The following SYCP2L variants were observed in gnomAD, a reference collection of about 807,000 sequenced individuals.
SYCP2L encodes synaptonemal complex protein 2 like.
A neutral mutation model predicts 125.8 loss-of-function variants in SYCP2L; 98 were observed. The ratio of observed to expected loss-of-function variants is 0.78; its 90% CI spans 0.66 to 0.92. SYCP2L has a LOEUF of 0.92. Among genes scored for constraint, SYCP2L ranks in the 40% least tolerant of loss-of-function variants. The pLI is 0.00. For missense variants in SYCP2L, 842 were observed against 936.4 expected, an observed-to-expected ratio of 0.90 and a Z score of 1.32; for synonymous variants, 317 against 325.4, an observed-to-expected ratio of 0.97 and a Z score of 0.28.
rs115705479 is a variant in SYCP2L, at chr6:10,947,161, T to C, written c.1954+4415T>C. 7.0e-3 allele frequency among the ~76,000 whole-genome samples: 1,073 copies of C among 152,222 alleles called. 6 individuals carry two copies. Among genetic ancestry groups the C allele is most frequent in the Non-Finnish European group, 0.011 (741 of 67,942 alleles). On this transcript the variant is annotated intron_variant, in intron 23 of 29. Transcript: ENST00000283141. The stretch of plus-strand genomic sequence containing the variant: ...GGTTCTTTCTAGAGCTACTAGGTCC[T>C]TTTGTGTAGTTCCTATTCCCTGAAG...
intron 18 of SYCP2L, 54 bp from the exon 19 acceptor site, chr6:10,930,316 A>G (rs1472694558): frequency 3.2e-6 from 5 of 1,560,662 alleles, no homozygotes; most frequent in African/African-American, 1.4e-5. Context: ...TTAGTTATAC[A>G]TAAGAGGCAC....
intron 21 of SYCP2L, among the ~76,000 whole-genome samples, chr6:10,940,643 CAG>C (rs775539114): frequency 3.3e-5 from 5 of 151,974 alleles, no homozygotes; most frequent in Non-Finnish European, 7.4e-5. Flanking sequence ...CTCATAGAAA[CAG>C]AGAATGGAAC....
At chr6:10,930,270 G>A in intron 18 of SYCP2L, 100 bp from the exon 19 acceptor site, 3 of 1,244,416 alleles carry the variant, frequency 2.4e-6, no homozygotes, top group South Asian at 1.5e-5. Context: ...TCTTCTAGAA[G>A]GGTACTTCTC....
At chr6:10,906,331 A>T (rs778279638) in intron 9 of SYCP2L, among the ~76,000 whole-genome samples, 16 of 151,760 alleles carry the variant, frequency 1.1e-4, no homozygotes, top group Non-Finnish European at 1.5e-4. Context: ...AGTGTCATGG[A>T]TAAAGTCCCC....
rs964947043 is a variant in SYCP2L, at chr6:10,950,373, C to T, written c.1955-4743C>T. ...GGCTGCTTCTCTAGTTTTTTTAATT[C>T]GTAAAATGTTCTCTGTTGGTATTAC... On this transcript the variant is annotated intron_variant, in intron 23 of 29. Coordinates refer to ENST00000283141, the MANE Select transcript of SYCP2L (RefSeq NM_001040274.3). 2.1e-4 allele frequency among the ~76,000 whole-genome samples: 32 copies of T among 152,132 alleles called. No homozygotes were observed. In the East Asian group the frequency reaches 4.8e-3, roughly 23 times the overall value.
In SYCP2L at chr6:10,942,140, C is replaced by A. The variant is rs1258893160; in HGVS notation, c.1814-319C>A. ...GGAAAGGGAACATCACACACTGGGGCCTGTTGTGGGGTGGGGGGAGGGGGG... is the reference window on the plus strand; with the variant it reads ...GGAAAGGGAACATCACACACTGGGGACTGTTGTGGGGTGGGGGGAGGGGGG... On this transcript the variant is annotated intron_variant, in intron 21 of 29. Coordinates refer to ENST00000283141, the MANE Select transcript of SYCP2L (RefSeq NM_001040274.3). 5.4e-5 allele frequency among the ~76,000 whole-genome samples: 6 copies of A among 111,074 alleles called. No homozygotes were observed. The Admixed American group carries it at 7.8e-4, about 14-fold the overall frequency. The allele number at this position is 111,074 out of a possible 152,430, so 72.9% of individuals were successfully genotyped here. A position where few individuals can be genotyped will look rare whatever the true frequency, so the allele number is the denominator to read the frequency against.
chr6:10,892,208 A>G (rs559671385), intron 2 of SYCP2L, among the ~76,000 whole-genome samples: 30 of 152,354 alleles, frequency 2.0e-4, no homozygotes, highest in Admixed American at 1.7e-3. Context: ...CTCATTAGCA[A>G]GGAGGTCAGA....
At chr6:10,908,286 T>C (rs975152145) in intron 10 of SYCP2L, among the ~76,000 whole-genome samples, 22 of 152,096 alleles carry the variant, frequency 1.4e-4, no homozygotes, top group Middle Eastern at 3.4e-3. Context: ...CCTTGAATGG[T>C]AGGAAGAATT....
intron 23 of SYCP2L, 72 bp downstream of exon 23, chr6:10,942,818 C>A: frequency 1.5e-6 from 2 of 1,368,670 alleles, no homozygotes; most frequent in Admixed American, 2.3e-5. Context: ...GCAGACTGGG[C>A]TGTTACTCAG....
At chr6:10,895,201 C>G (rs1202217594) in intron 4 of SYCP2L, among the ~76,000 whole-genome samples, 1 of 152,212 alleles carries the variant, frequency 6.6e-6, no homozygotes, top group Non-Finnish European at 1.5e-5. Flanking sequence ...AGATAAAAAT[C>G]TCAAAGGAAA....
intron 23 of SYCP2L, among the ~76,000 whole-genome samples, chr6:10,945,053 G>A (rs944870124): frequency 6.6e-6 from 1 of 152,088 alleles, no homozygotes; most frequent in African/African-American, 2.4e-5. Context: ...TGATCCAAAT[G>A]TTGGTTAGAA....
intron 14 of SYCP2L, among the ~76,000 whole-genome samples, chr6:10,918,749 T>C (rs1203253724): frequency 6.6e-6 from 1 of 152,184 alleles, no homozygotes; most frequent in South Asian, 2.1e-4. Context: ...TTGGCCAGGA[T>C]GGTCTCAATC....
rs1222792312 is a variant in SYCP2L, at chr6:10,902,728, C to T, written c.518C>T (p.Thr173Ile). ...CTACTTAGCTTAGGATTCCTGGTGA[C>T]AGAAAAGACTGTAAATCATTTGCTT... ...SFLLSLGFLV[T>I]EKTVNHLLQQ... is the part of the protein sequence containing the mutation. The change falls in exon 7 of 30, where the codon ACA (threonine) becomes ATA (isoleucine). Residue 173 changes from threonine (T) to isoleucine (I), a missense_variant. Physicochemically the swap from Thr to Ile is moderately conservative, Grantham distance 89 (BLOSUM62 -1). Coordinates refer to ENST00000283141, the MANE Select transcript of SYCP2L (RefSeq NM_001040274.3). 2 of 1,613,982 alleles carry T rather than the reference C, an allele frequency of 1.2e-6. No individual in the cohort carries two copies. Among genetic ancestry groups the T allele is most frequent in the East Asian group, 2.2e-5 (1 of 44,888 alleles).
At chr6:10,890,430 G>T (rs1368737037) in intron 1 of SYCP2L, among the ~76,000 whole-genome samples, 4 of 151,982 alleles carry the variant, frequency 2.6e-5, no homozygotes, top group Non-Finnish European at 5.9e-5. Flanking sequence ...GTTTTGATTT[G>T]CATTTTCCAA....
chr6:10,914,429 C>T (rs561308320), intron 14 of SYCP2L, among the ~76,000 whole-genome samples: 146 of 152,172 alleles, frequency 9.6e-4, no homozygotes, highest in African/African-American at 3.0e-3. Context: ...GTTTGAAGTC[C>T]GGTAATTTGA....
intron 1 of SYCP2L, among the ~76,000 whole-genome samples, chr6:10,889,430 A>G (rs1284716263): frequency 6.6e-6 from 1 of 152,136 alleles, no homozygotes; most frequent in Non-Finnish European, 1.5e-5. Context: ...GAATGTTCAA[A>G]ATCTACTCGT....
chr6:10,901,889 C>G (rs1780381448), intron 6 of SYCP2L, among the ~76,000 whole-genome samples: 1 of 152,234 alleles, frequency 6.6e-6, no homozygotes, highest in Non-Finnish European at 1.5e-5. Context: ...AATTTCAGTT[C>G]TGCCTTTCTC....
rs56098075 is a variant in SYCP2L at position 10,967,454 on chromosome 6, G to GGGGTGTGTGTGTGTGTGTGT, written c.*37+3612_*37+3613insGGTGTGTGTGTGTGTGTGTG. Among the ~76,000 whole-genome samples, 746 of 138,894 alleles carry GGGGTGTGTGTGTGTGTGTGT rather than the reference G, an allele frequency of 5.4e-3. 7 individuals carry two copies. Among genetic ancestry groups the GGGGTGTGTGTGTGTGTGTGT allele is most frequent in the Non-Finnish European group, 8.5e-3 (543 of 63,854 alleles). 91.1% of individuals were successfully genotyped at this position (138,894 alleles called of 152,430 possible). ...TATTAGTTATGTGTATGGGGTAGAG[G>GGGGTGTGTGTGTGTGTGTGT]GTGTGTGTGTGTGTGTGTGTGTGTG... On this transcript the variant is annotated intron_variant, in intron 29 of 29. Coordinates refer to ENST00000283141, the MANE Select transcript of SYCP2L (RefSeq NM_001040274.3).
At chr6:10,939,234 A>G (rs1022505391) in intron 21 of SYCP2L, among the ~76,000 whole-genome samples, 6 of 152,210 alleles carry the variant, frequency 3.9e-5, no homozygotes, top group Admixed American at 2.0e-4. Context: ...TTAATTGAAG[A>G]CACAAATAAA....
Sources: allele counts gnomAD v4.1 joint callset (sites outside exome capture counted in the v4.1 genomes callset), GRCh38; gene constraint gnomAD v4.1.1; transcripts MANE v1.5; gene names NCBI Gene and HGNC (gene_info 2026-07-23, HGNC 2026-07-21).